The following CEP192 variants were observed in gnomAD, a reference collection of about 807,000 sequenced individuals.
The protein encoded by CEP192 is centrosomal protein of 192 kDa.
A neutral mutation model predicts 271.8 loss-of-function variants in CEP192; 151 were observed. That is an observed-to-expected ratio of 0.56 (90% CI 0.49 to 0.64). The LOEUF (loss-of-function observed/expected upper bound fraction) is 0.64. Among genes scored for constraint, CEP192 ranks in the 30% least tolerant of loss-of-function variants. The pLI, the probability that CEP192 is intolerant of heterozygous loss-of-function variation, is 0.00. For missense variants in CEP192, 2,910 were observed against 3,020.5 expected (o/e 0.96, Z 0.86); for synonymous variants, 995 against 1,076.5 (o/e 0.92, Z 1.48).
Position 13,019,124 on chromosome 18 carries a change from G to A in CEP192, c.968G>A (p.Gly323Asp), listed in dbSNP as rs758109660. The A allele has an allele frequency of 3.9e-6, 6 of 1,544,644 alleles. No homozygotes were observed. Among genetic ancestry groups the A allele is most frequent in the African/African-American group, 1.4e-5 (1 of 72,716 alleles). Residue 323 changes from glycine to aspartate, a missense_variant, in exon 9 of 45, where the codon GGT becomes GAT. Coordinates refer to ENST00000506447, the MANE Select transcript of CEP192 (RefSeq NM_032142.4). ...GTGDSRRYTD[G>D]MLPFSSGTWG... ...GGAGATAGTAGAAGGTACACAGATG[G>A]TATGTTACCATTTTCCTCTGGTACT...
intron 38 of CEP192, 26 bp downstream of exon 38, chr18:13,100,538 T>A (rs1404107314): frequency 1.3e-6 from 2 of 1,513,422 alleles, no homozygotes; most frequent in South Asian, 2.2e-5. Flanking sequence ...ATTATGTAAT[T>A]CAAATGTCTG....
chr18:13,059,083 TG>T lies in CEP192; in HGVS notation c.4261del (p.Asp1421IlefsTer8). 4 of 1,605,804 alleles carry T rather than the reference TG, an allele frequency of 2.5e-6. No homozygotes were observed. The highest frequency in any genetic ancestry group is 3.4e-6 in the Non-Finnish European group (4 of 1,172,686). On this transcript the variant is annotated frameshift_variant and splice_region_variant, in exon 21 of 45. Coordinates refer to ENST00000506447, the MANE Select transcript of CEP192 (RefSeq NM_032142.4). LOFTEE classifies it high-confidence loss of function. Reference protein sequence around the residue: ...VLSISVNGEKVDLSTYRCLVF... With the variant: ...VLSISVNGEKXDLSTYRCLVF... ...GAACTTTATGGCTCTTTTTTGAAGG[TG>T]GATCTTTCAACATATCGTTGTTTAG...
rs1476565231 is a variant in CEP192, at chr18:13,068,210, C to T, written c.4731C>T (p.His1577=). Residue 1577 remains histidine, a synonymous_variant, in exon 23 of 45, where the codon CAC becomes CAT. Transcript: ENST00000506447. The stretch of plus-strand genomic sequence containing the variant: ...TAGCAGGCCCTTCTGTGGTCAACCA[C>T]ATGATGCCTGCTAGTTATGATGGAC... ...TRLAGPSVVN[H]MMPASYDGQD... 1.2e-5 allele frequency: 20 copies of T among 1,614,240 alleles called. No individual in the cohort carries two copies. The highest frequency in any genetic ancestry group is 3.3e-4 in the Middle Eastern group (2 of 6,060).
chr18:13,098,692 C>T (rs1355460020), intron 36 of CEP192, among the ~76,000 whole-genome samples: 1 of 150,672 alleles, frequency 6.6e-6, no homozygotes, highest in African/African-American at 2.4e-5. Flanking sequence ...CCTCACTTTC[C>T]AGACTGGGCA....
chr18:13,099,718 TC>T, intron 37 of CEP192, 137 bp downstream of exon 37: 1 of 553,406 alleles, frequency 1.8e-6, no homozygotes, highest in Non-Finnish European at 3.2e-6. Flanking sequence ...GGGTTCCACT[TC>T]CAGGGATTCA....
chr18:13,062,664 C>T (rs2037472935), intron 21 of CEP192, among the ~76,000 whole-genome samples: 2 of 151,824 alleles, frequency 1.3e-5, no homozygotes, highest in African/African-American at 4.8e-5. Flanking sequence ...TTGTTTCAGA[C>T]ATGCAGTGTG....
chr18:13,030,336 A>G (rs1447657892), intron 10 of CEP192, 129 bp from the exon 11 acceptor site: 1 of 785,510 alleles, frequency 1.3e-6, no homozygotes, highest in African/African-American at 1.7e-5. Context: ...CCTTTTTCTA[A>G]CTAGCTTTGG....
chr18:13,102,537 G>A (rs1260514651), intron 38 of CEP192, among the ~76,000 whole-genome samples: 1 of 152,066 alleles, frequency 6.6e-6, no homozygotes, highest in East Asian at 1.9e-4. Flanking sequence ...CCTCATGCCC[G>A]GAACCCCGTC....
chr18:13,100,196 G>A (rs1327420780), intron 37 of CEP192, 109 bp from the exon 38 acceptor site: 8 of 719,878 alleles, frequency 1.1e-5, no homozygotes, highest in African/African-American at 3.6e-5. Context: ...ATTTATTGAT[G>A]TTTTGTTTGT....
chr18:13,003,451 GAAAA>G (rs545191456), intron 3 of CEP192, among the ~76,000 whole-genome samples: 95 of 101,498 alleles, frequency 9.4e-4, no homozygotes, highest in African/African-American at 1.9e-3. Context: ...TCTGTCTCAA[GAAAA>G]AAAAAAAAAA....
chr18:13,062,875 CA>C (rs1020937984), intron 21 of CEP192, among the ~76,000 whole-genome samples: 1 of 152,200 alleles, frequency 6.6e-6, no homozygotes, highest in African/African-American at 2.4e-5. Flanking sequence ...ACCTCACCCC[CA>C]ACCCCTACCC....
At chr18:13,066,641 C>G (rs1351523277) in intron 21 of CEP192, among the ~76,000 whole-genome samples, 1 of 152,138 alleles carries the variant, frequency 6.6e-6, no homozygotes, top group Non-Finnish European at 1.5e-5. Context: ...CATGTTCTTG[C>G]AAATAATCTT....
intron 3 of CEP192, among the ~76,000 whole-genome samples, chr18:13,002,142 C>T (rs2033687213): frequency 6.6e-6 from 1 of 152,120 alleles, no homozygotes; most frequent in African/African-American, 2.4e-5. Context: ...CAGTAAAGGC[C>T]TGTAATCCCA....
intron 38 of CEP192, 112 bp from the exon 39 acceptor site, chr18:13,103,397 T>C (rs1267845509): frequency 4.0e-6 from 3 of 750,796 alleles, no homozygotes; most frequent in Non-Finnish European, 7.1e-6. Flanking sequence ...CCTTTAGGGA[T>C]CTAATGATTG....
rs762248083 is a variant in CEP192, at chr18:13,051,524, G to A, written c.3018-1395G>A. Among the ~76,000 whole-genome samples the A allele has an allele frequency of 6.6e-5, 10 of 152,154 alleles. No homozygotes were observed. The East Asian group carries it at 7.7e-4, about 12-fold the overall frequency. ...TACTAACTGGTATTTTGACAATACC[G>A]TCTTGATTTGGGACTTTTTATTTAT... On this transcript the variant is annotated intron_variant, in intron 17 of 44. Coordinates refer to ENST00000506447, the MANE Select transcript of CEP192 (RefSeq NM_032142.4).
At chr18:13,009,181 C>G (rs1308031429) in intron 4 of CEP192, among the ~76,000 whole-genome samples, 1 of 152,096 alleles carries the variant, frequency 6.6e-6, no homozygotes, top group African/African-American at 2.4e-5. Flanking sequence ...CTTGTACTAT[C>G]ATACCATGAA....
At chr18:13,024,264 T>C in intron 9 of CEP192, 1 of 454,384 alleles carries the variant, frequency 2.2e-6, no homozygotes, top group Non-Finnish European at 4.4e-6. Flanking sequence ...CTCTGATAAC[T>C]TTCCCTACTT....
At position 13,114,243 on chromosome 18, in the gene CEP192, C is replaced by T. The variant is rs2040333954; in HGVS notation, c.7281C>T (p.Arg2427=). ...AAGCTGTGTCAGAGGCTTCTGCTCG[C>T]ATACCTGAGTATGTTGTTTTTGTCA... The part of the protein sequence containing the change: ...RRQAVSEASA[R]IPEQLDVTAR... The change falls in exon 42 of 45, where the codon CGC becomes CGT. Residue 2427 remains arginine (R), a synonymous_variant. Transcript: ENST00000506447. 6.2e-7 allele frequency: 1 copy of T among 1,613,010 alleles called. No individual in the cohort carries two copies.
chr18:13,121,041 A>AACTGAAGTCATGGGG (rs2040634795), intron 44 of CEP192, among the ~76,000 whole-genome samples: 1 of 152,198 alleles, frequency 6.6e-6, no homozygotes, highest in Admixed American at 6.5e-5. Flanking sequence ...CTTACCACAG[A>AACTGAAGTCATGGGG]ACTGAAGTCA....
Sources: gnomAD v4.1 joint callset for allele counts (sites outside exome capture counted in the v4.1 genomes callset) on GRCh38, gnomAD v4.1.1 for gene constraint, MANE v1.5 for transcripts, NCBI Gene and HGNC (gene_info 2026-07-23, HGNC 2026-07-21) for gene names.